Variants in ZNF585A observed in about 807,000 individuals in gnomAD.
The protein encoded by ZNF585A is zinc finger protein 585A.
A neutral mutation model predicts 14.9 loss-of-function variants in ZNF585A; 9 were observed. The ratio of observed to expected loss-of-function variants is 0.60; its 90% CI spans 0.36 to 1.05. The LOEUF is 1.05. ZNF585A is among the 50% of genes least tolerant of loss of function. ZNF585A has a pLI of 0.01. For synonymous variants in ZNF585A, 276 were observed against 319.9 expected, an observed-to-expected ratio of 0.86 and a Z score of 1.46; for missense variants, 726 against 926.4, an observed-to-expected ratio of 0.78 and a Z score of 2.81.
intron 2 of ZNF585A, chr19:37,165,451 G>A (rs1972075874): frequency 6.5e-6 from 1 of 153,398 alleles, no homozygotes; most frequent in Non-Finnish European, 1.4e-5. Context: ...TTTTAGTACA[G>A]TTTTGCTATA....
chr19:37,158,768 T>G (rs546116569), intron 2 of ZNF585A, among the ~76,000 whole-genome samples: 43 of 152,338 alleles, frequency 2.8e-4, no homozygotes, highest in African/African-American at 1.0e-3. Context: ...TATTAGATGA[T>G]ATCAAGGAAT....
At chr19:37,160,227 G>A (rs1971992551) in intron 2 of ZNF585A, among the ~76,000 whole-genome samples, 1 of 151,864 alleles carries the variant, frequency 6.6e-6, no homozygotes, top group Admixed American at 6.6e-5. Flanking sequence ...AGTGGTCCCA[G>A]CTATTTGGGA....
At chr19:37,157,654 T>C (rs778519881) in intron 2 of ZNF585A, among the ~76,000 whole-genome samples, 6 of 151,914 alleles carry the variant, frequency 3.9e-5, no homozygotes, top group Non-Finnish European at 7.4e-5. Flanking sequence ...AAGACAAGAA[T>C]AAAAGGTGTA....
intron 2 of ZNF585A, chr19:37,165,560 TAGC>T: frequency 3.7e-6 from 3 of 804,622 alleles, no homozygotes; most frequent in Non-Finnish European, 4.5e-6. Flanking sequence ...GCTGAGAACA[TAGC>T]AGTTGTTTCA....
At chr19:37,171,735 T>C (rs1972185435) in intron 1 of ZNF585A, among the ~76,000 whole-genome samples, 1 of 152,116 alleles carries the variant, frequency 6.6e-6, no homozygotes, top group Non-Finnish European at 1.5e-5. Context: ...TCCCCGTCTC[T>C]ACTAAAAAAT....
At chr19:37,161,199 C>T (rs1269398283) in intron 2 of ZNF585A, among the ~76,000 whole-genome samples, 2 of 152,016 alleles carry the variant, frequency 1.3e-5, no homozygotes, top group Admixed American at 1.3e-4. Flanking sequence ...AAACTACAGG[C>T]CAATATCTCT....
chr19:37,167,039 GC>G (rs1438834834), intron 2 of ZNF585A, among the ~76,000 whole-genome samples: 1 of 151,874 alleles, frequency 6.6e-6, no homozygotes, highest in Admixed American at 6.6e-5. Context: ...TCACCATGCT[GC>G]CCAGGCTGGT....
Position 37,151,197 on chromosome 19 carries a change from C to T in ZNF585A, c.*392G>A, listed in dbSNP as rs940315694. ...GGATTCATCACTATCAAAATAACTACGTATTATGTTGTTTTATCATTCAAT... is the reference window on the plus strand; with the variant it reads ...GGATTCATCACTATCAAAATAACTATGTATTATGTTGTTTTATCATTCAAT... On this transcript the variant is annotated 3_prime_UTR_variant, in exon 5 of 5. Coordinates refer to ENST00000292841, the MANE Select transcript of ZNF585A (RefSeq NM_001288800.2). 2.7e-5 allele frequency: 11 copies of T among 408,562 alleles called. No homozygotes were observed. Among genetic ancestry groups the T allele is most frequent in the Admixed American group, 2.4e-4 (6 of 25,518 alleles). The allele number at this position is 408,562 out of a possible 1,614,324, so 25.3% of individuals were successfully genotyped here.
At position 37,153,385 on chromosome 19, in the gene ZNF585A, C is replaced by A; in HGVS notation, c.514G>T (p.Glu172Ter). The A allele has an allele frequency of 6.2e-7, 1 of 1,613,966 alleles. No homozygotes were observed. Among genetic ancestry groups the A allele is most frequent in the Non-Finnish European group, 8.5e-7 (1 of 1,179,972 alleles). Residue 172 changes from glutamate to a stop codon, truncating the protein, a stop_gained, in exon 5 of 5, where the codon GAA (glutamate) becomes TAA (stop). Transcript: ENST00000292841. LOFTEE classifies it low-confidence loss of function (END_TRUNC). ...ECGKAFVQKP[E>*]FIIHQKTHMR... ...TGGGTTTTCTGGTGTATAATAAATT[C>A]TGGCTTCTGTACAAAAGCCTTCCCA...
intron 2 of ZNF585A, among the ~76,000 whole-genome samples, chr19:37,167,441 G>A (rs1460613856): frequency 6.6e-6 from 1 of 152,090 alleles, no homozygotes; most frequent in Non-Finnish European, 1.5e-5. Context: ...CCAAAGTGGT[G>A]GGATTACAGG....
rs1034712217 is a variant in ZNF585A, at chr19:37,149,816, C to T, written c.*1773G>A. On this transcript the variant is annotated 3_prime_UTR_variant, in exon 5 of 5. Transcript: ENST00000292841. Reference sequence around the variant, plus strand: ...TCATTCCATTGTGCCTTGGGGGGAACTCAGAGGAAAAGGTCTATGAGGCTG... The same window carrying T: ...TCATTCCATTGTGCCTTGGGGGGAATTCAGAGGAAAAGGTCTATGAGGCTG... The T allele has an allele frequency of 2.0e-5, 3 of 152,194 alleles. No homozygotes were observed. Among genetic ancestry groups the T allele is most frequent in the African/African-American group, 7.2e-5 (3 of 41,418 alleles). The allele number at this position is 152,194 out of a possible 1,614,324, so 9.4% of individuals were successfully genotyped here. A position where few individuals can be genotyped will look rare whatever the true frequency, so the allele number is the denominator to read the frequency against.
At chr19:37,164,050 T>C (rs1972050256) in intron 2 of ZNF585A, among the ~76,000 whole-genome samples, 1 of 152,156 alleles carries the variant, frequency 6.6e-6, no homozygotes, top group Non-Finnish European at 1.5e-5. Context: ...AAGGACACAA[T>C]GTGAAATGAG....
rs1029593488 is a variant in ZNF585A at position 37,146,291 on chromosome 19, G to A, written c.*5298C>T. On this transcript the variant is annotated 3_prime_UTR_variant, in exon 5 of 5. Coordinates refer to ENST00000292841, the MANE Select transcript of ZNF585A (RefSeq NM_001288800.2). ...CAGCTACTCGGAGGCTGAGGCAGGAGAATCACTTGAACCCGGGAGGCAGAG... is the reference window on the plus strand; with the variant it reads ...CAGCTACTCGGAGGCTGAGGCAGGAAAATCACTTGAACCCGGGAGGCAGAG... 1 of 152,294 alleles carries A rather than the reference G, an allele frequency of 6.6e-6. No homozygotes were observed. Among genetic ancestry groups the A allele is most frequent in the Non-Finnish European group, 1.5e-5 (1 of 68,166 alleles). The allele number at this position is 152,294 out of a possible 1,614,324, so 9.4% of individuals were successfully genotyped here.
chr19:37,147,520 C>A lies in ZNF585A; in HGVS notation c.*4069G>T, dbSNP rs1250805635. The A allele has an allele frequency of 6.6e-6, 1 of 151,892 alleles. No individual in the cohort carries two copies. The highest frequency in any genetic ancestry group is 6.6e-5 in the Admixed American group (1 of 15,254). The allele number at this position is 151,892 out of a possible 1,614,324, so 9.4% of individuals were successfully genotyped here. The stretch of plus-strand genomic sequence containing the variant: ...GCAACTACGTGAAAGTAGAAATAAC[C>A]AAAATATTATGTGAAAGTTTGATAT... On this transcript the variant is annotated 3_prime_UTR_variant, in exon 5 of 5. Coordinates refer to ENST00000292841, the MANE Select transcript of ZNF585A (RefSeq NM_001288800.2).
intron 4 of ZNF585A, among the ~76,000 whole-genome samples, chr19:37,154,412 A>G (rs767842009): frequency 3.9e-5 from 6 of 152,174 alleles, no homozygotes; most frequent in Non-Finnish European, 8.8e-5. Flanking sequence ...GGAAAGAGAA[A>G]AAGGAATAAA....
intron 2 of ZNF585A, 79 bp from the exon 3 acceptor site, chr19:37,156,434 A>C: frequency 6.6e-7 from 1 of 1,512,470 alleles, no homozygotes; most frequent in Non-Finnish European, 8.9e-7. Flanking sequence ...TATGGAATAC[A>C]GGTCTTGTTG....
intron 2 of ZNF585A, among the ~76,000 whole-genome samples, chr19:37,166,401 C>G (rs1972091521): frequency 6.6e-6 from 1 of 150,660 alleles, no homozygotes; most frequent in Non-Finnish European, 1.5e-5. Flanking sequence ...CTCACTACAA[C>G]CTCTGCCTCC....
chr19:37,171,780 C>G lies in ZNF585A; in HGVS notation c.-145+847G>C, dbSNP rs143606562. On this transcript the variant is annotated intron_variant, in intron 1 of 4. Coordinates refer to ENST00000292841, the MANE Select transcript of ZNF585A (RefSeq NM_001288800.2). ...TAGCTGGGCGTGGTGGCGGGTGCCT[C>G]TAATCCCAGCTACTCTGGAGGCTGA... 7.8e-3 allele frequency among the ~76,000 whole-genome samples: 1,180 copies of G among 151,892 alleles called. 22 individuals carry two copies. Among genetic ancestry groups the G allele is most frequent in the African/African-American group, 0.027 (1,135 of 41,434 alleles).
chr19:37,172,307 A>G (rs893766286), intron 1 of ZNF585A: 2 of 152,206 alleles, frequency 1.3e-5, no homozygotes, highest in African/African-American at 4.8e-5. Context: ...GAGAATTTTT[A>G]TATTAAAGAA....
Sources: gnomAD v4.1 joint callset for allele counts (sites outside exome capture counted in the v4.1 genomes callset) on GRCh38, gnomAD v4.1.1 for gene constraint, MANE v1.5 for transcripts, NCBI Gene and HGNC (gene_info 2026-07-23, HGNC 2026-07-21) for gene names.